CASS4: variants seen among roughly 807,000 people sequenced by gnomAD.
CASS4 encodes the protein cas scaffolding protein family member 4.
CASS4 carries 22 observed loss-of-function variants against 54.2 expected under a neutral mutation model. That is an observed-to-expected ratio of 0.41 (90% CI 0.29 to 0.58). The LOEUF (loss-of-function observed/expected upper bound fraction) is 0.58, where lower values mean the gene tolerates loss of function less well. CASS4 is among the 20% of genes least tolerant of loss of function. The pLI is 0.36. For synonymous variants in CASS4, 409 were observed against 391.5 expected (o/e 1.04, Z -0.53); for missense variants, 854 against 986.7 (o/e 0.87, Z 1.80).
chr20:56,434,458 A>G (rs1980059305), intron 1 of CASS4, among the ~76,000 whole-genome samples: 1 of 152,134 alleles, frequency 6.6e-6, no homozygotes, highest in African/African-American at 2.4e-5. Flanking sequence ...TTTATTTGAG[A>G]TGGAGTCTCA....
intron 2 of CASS4, 130 bp from the exon 3 acceptor site, chr20:56,445,770 G>A (rs1980676230): frequency 3.2e-6 from 2 of 625,242 alleles, no homozygotes; most frequent in South Asian, 2.1e-5. Context: ...GCCTGCCAGC[G>A]GGGGTGCCGG....
At chr20:56,455,577 C>T (rs975468227) in intron 5 of CASS4, among the ~76,000 whole-genome samples, 6 of 152,174 alleles carry the variant, frequency 3.9e-5, no homozygotes, top group Admixed American at 3.9e-4. Context: ...ATTAAGTAGG[C>T]CTTAGACTAG....
chr20:56,424,689 A>G (rs957005372), intron 1 of CASS4, among the ~76,000 whole-genome samples: 9 of 148,864 alleles, frequency 6.0e-5, no homozygotes, highest in African/African-American at 2.2e-4. Flanking sequence ...TGCAGTGAGC[A>G]GAGATCGCAC....
chr20:56,450,275 C>T (rs1184345203), intron 3 of CASS4, among the ~76,000 whole-genome samples: 1 of 152,230 alleles, frequency 6.6e-6, no homozygotes, highest in Non-Finnish European at 1.5e-5. Flanking sequence ...CCTCCTGCCT[C>T]AGCCTCCCCA....
At chr20:56,429,304 T>A (rs988315077) in intron 1 of CASS4, among the ~76,000 whole-genome samples, 2 of 152,310 alleles carry the variant, frequency 1.3e-5, no homozygotes, top group East Asian at 1.9e-4. Flanking sequence ...TCTCTGCAGT[T>A]ATGCTCCTGC....
intron 1 of CASS4, among the ~76,000 whole-genome samples, chr20:56,431,959 G>A (rs1389272651): frequency 6.6e-6 from 1 of 152,098 alleles, no homozygotes; most frequent in Non-Finnish European, 1.5e-5. Context: ...TTTCAAAAAG[G>A]CAAAATTATG....
chr20:56,413,860 T>A (rs1234943751), intron 1 of CASS4, among the ~76,000 whole-genome samples: 3 of 152,118 alleles, frequency 2.0e-5, no homozygotes, highest in Non-Finnish European at 4.4e-5. Flanking sequence ...ATTCAGTAAA[T>A]CCCTGCATAT....
chr20:56,456,378 TTC>T (rs1491247314), intron 5 of CASS4, among the ~76,000 whole-genome samples: 1 of 91,534 alleles, frequency 1.1e-5, no homozygotes, highest in African/African-American at 4.5e-5. Flanking sequence ...TTCTAAACTC[TTC>T]TTTTTTTTTT....
intron 5 of CASS4, among the ~76,000 whole-genome samples, chr20:56,458,005 ACT>A (rs1223520172): frequency 1.4e-5 from 2 of 141,368 alleles, no homozygotes; most frequent in African/African-American, 5.3e-5. Context: ...ATAAAGGAAA[ACT>A]CTGTCTCAAA....
Position 56,412,901 on chromosome 20 carries a change from C to G in CASS4, c.36+407C>G, listed in dbSNP as rs1345111144. The stretch of plus-strand genomic sequence containing the variant: ...TCACCTCCCAACAGCAGAGCCCAGA[C>G]CCTTGCCTGCAGCCTCCCGTGCTGA... On this transcript the variant is annotated intron_variant, in intron 1 of 5. Coordinates refer to ENST00000679887, the MANE Select transcript of CASS4 (RefSeq NM_020356.4). The surrounding 1 kb of genome is among the most constrained non-coding windows in gnomAD (Gnocchi z 4.2). Among the ~76,000 whole-genome samples, 1 of 152,170 alleles carries G rather than the reference C, an allele frequency of 6.6e-6. No individual in the cohort carries two copies. The highest frequency in any genetic ancestry group is 1.5e-5 in the Non-Finnish European group (1 of 68,026).
At position 56,424,235 on chromosome 20, in the gene CASS4, A is replaced by T. The variant is rs562724541; in HGVS notation, c.36+11741A>T. Among the ~76,000 whole-genome samples the T allele has an allele frequency of 3.9e-5, 6 of 152,352 alleles. No homozygotes were observed. In the South Asian group the frequency reaches 1.2e-3, roughly 32 times the overall value. Reference sequence around the variant, plus strand: ...TTGAAGCAAAGCTGTCTCAAGTTTAACAACCTCATAAACTAATTCTCTCAC... The same window carrying T: ...TTGAAGCAAAGCTGTCTCAAGTTTATCAACCTCATAAACTAATTCTCTCAC... On this transcript the variant is annotated intron_variant, in intron 1 of 5. Transcript: ENST00000679887.
intron 1 of CASS4, among the ~76,000 whole-genome samples, chr20:56,415,375 C>G (rs975805493): frequency 6.6e-6 from 1 of 152,052 alleles, no homozygotes; most frequent in Non-Finnish European, 1.5e-5. Flanking sequence ...CCCAAGTTGT[C>G]GACACCTAGT....
In CASS4 at chr20:56,452,934, C is replaced by A. The variant is rs759018577; in HGVS notation, c.1758C>A (p.Leu586=). 6.2e-7 allele frequency: 1 copy of A among 1,613,966 alleles called. No homozygotes were observed. Among genetic ancestry groups the A allele is most frequent in the Non-Finnish European group, 8.5e-7 (1 of 1,180,010 alleles). The change falls in exon 5 of 6, where the codon CTC becomes CTA. Residue 586 remains leucine, a synonymous_variant. Coordinates refer to ENST00000679887, the MANE Select transcript of CASS4 (RefSeq NM_020356.4). ...FASIVIANGR[L]LFKRNCEKEE... ...CCATTGTCATTGCCAATGGAAGGCT[C>A]CTTTTTAAGCGGAACTGTGAAAAGG...
At chr20:56,446,385 C>T (rs978703790) in intron 3 of CASS4, among the ~76,000 whole-genome samples, 2 of 152,022 alleles carry the variant, frequency 1.3e-5, no homozygotes, top group Non-Finnish European at 2.9e-5. Flanking sequence ...GCCACCGTGC[C>T]CAGCCATTAT....
At chr20:56,458,174 A>T (rs1347514285) in intron 5 of CASS4, among the ~76,000 whole-genome samples, 166 bp from the exon 6 acceptor site, 4 of 151,948 alleles carry the variant, frequency 2.6e-5, no homozygotes, top group African/African-American at 9.7e-5. Flanking sequence ...GTGCTTTGAA[A>T]ACATTAATTT....
chr20:56,429,924 TC>T (rs1979825812), intron 1 of CASS4, among the ~76,000 whole-genome samples: 1 of 152,206 alleles, frequency 6.6e-6, no homozygotes, highest in South Asian at 2.1e-4. Flanking sequence ...GTATTTTCTT[TC>T]CATCTCACTT....
chr20:56,440,731 A>G (rs1168534906), intron 2 of CASS4, among the ~76,000 whole-genome samples: 2 of 152,246 alleles, frequency 1.3e-5, no homozygotes, highest in Non-Finnish European at 2.9e-5. Flanking sequence ...ATTAGCAATG[A>G]GATTTGTCCT....
At chr20:56,415,705 G>T (rs1979098460) in intron 1 of CASS4, among the ~76,000 whole-genome samples, 1 of 152,108 alleles carries the variant, frequency 6.6e-6, no homozygotes, top group Non-Finnish European at 1.5e-5. Context: ...TTTCATTCAG[G>T]GCCACCGCAG....
intron 2 of CASS4, among the ~76,000 whole-genome samples, chr20:56,442,383 C>T (rs112895145): frequency 4.7e-4 from 71 of 151,876 alleles, no homozygotes; most frequent in African/African-American, 1.5e-3. Flanking sequence ...TGATGAAGTA[C>T]GACTTCCATC....
Sources: allele counts gnomAD v4.1 joint callset (sites outside exome capture counted in the v4.1 genomes callset), GRCh38; gene constraint gnomAD v4.1.1; non-coding constraint Gnocchi (gnomAD v3.1); transcripts MANE v1.5; gene names NCBI Gene and HGNC (gene_info 2026-07-23, HGNC 2026-07-21).